TMEM128: variants seen among roughly 807,000 people sequenced by gnomAD.
TMEM128 encodes the protein transmembrane protein 128.
TMEM128 carries 16 observed loss-of-function variants against 19.7 expected under a neutral mutation model. That is an observed-to-expected ratio of 0.81 (90% CI 0.55 to 1.23). TMEM128 has a LOEUF of 1.23. TMEM128 is among the 50% of genes most tolerant of loss of function. The pLI, the probability that TMEM128 is intolerant of heterozygous loss-of-function variation, is 0.00. For synonymous variants in TMEM128, 98 were observed against 75.8 expected (o/e 1.29, Z -1.52); for missense variants, 237 against 200.8 (o/e 1.18, Z -1.09).
At chr4:4,236,531 G>A (rs1187747133) in intron 4 of TMEM128, among the ~76,000 whole-genome samples, 1 of 152,184 alleles carries the variant, frequency 6.6e-6, no homozygotes, top group Non-Finnish European at 1.5e-5. Flanking sequence ...GTCAGGTGAG[G>A]AAGTGTTCTG....
intron 2 of TMEM128, among the ~76,000 whole-genome samples, chr4:4,244,835 C>T (rs1246523533): frequency 6.6e-6 from 1 of 152,198 alleles, no homozygotes; most frequent in Admixed American, 6.5e-5. Context: ...TCATCACACA[C>T]TCAATCAGTC....
chr4:4,239,783 C>T (rs1717872802), intron 3 of TMEM128, among the ~76,000 whole-genome samples: 1 of 152,220 alleles, frequency 6.6e-6, no homozygotes, highest in Non-Finnish European at 1.5e-5. Flanking sequence ...CTGCACACAG[C>T]CAGCTCAATG....
chr4:4,242,214 C>G (rs1252330814), intron 2 of TMEM128, among the ~76,000 whole-genome samples: 1 of 151,900 alleles, frequency 6.6e-6, no homozygotes, highest in Non-Finnish European at 1.5e-5. Flanking sequence ...AGCCATCACT[C>G]AAGTTATATC....
intron 2 of TMEM128, among the ~76,000 whole-genome samples, chr4:4,242,649 G>A (rs992735996): frequency 5.9e-5 from 9 of 151,926 alleles, no homozygotes; most frequent in African/African-American, 2.2e-4. Flanking sequence ...CTCCTGAGCA[G>A]CTGATATTAC....
intron 3 of TMEM128, among the ~76,000 whole-genome samples, chr4:4,238,767 C>T (rs375520013): frequency 5.9e-5 from 9 of 152,234 alleles, no homozygotes; most frequent in South Asian, 2.1e-4. Context: ...GGGGTGGTGG[C>T]GCACGCCTGT....
At chr4:4,247,755 C>CTCGTAATTGG in intron 1 of TMEM128, 1 of 1,540,958 alleles carries the variant, frequency 6.5e-7, no homozygotes, top group Non-Finnish European at 8.8e-7. Context: ...GCAGATATTT[C>CTCGTAATTGG]CAGTAATTCG....
chr4:4,243,609 G>A (rs1718050506), intron 2 of TMEM128, among the ~76,000 whole-genome samples: 1 of 152,024 alleles, frequency 6.6e-6, no homozygotes, highest in Non-Finnish European at 1.5e-5. Context: ...TCCCCTTAAT[G>A]AGTCCTTCCC....
At position 4,235,768 on chromosome 4, in the gene TMEM128, A is replaced by G. The variant is rs73082015; in HGVS notation, c.*498T>C. On this transcript the variant is annotated 3_prime_UTR_variant, in exon 5 of 5. Coordinates refer to ENST00000382753, the MANE Select transcript of TMEM128 (RefSeq NM_001297551.2). The stretch of plus-strand genomic sequence containing the variant: ...AAGCTGGTTAAAGGCACATGACAAC[A>G]TAATTCCTTTATACACATCCAGTCA... The G allele has an allele frequency of 7.2e-5, 11 of 152,664 alleles. No individual in the cohort carries two copies. Among genetic ancestry groups the G allele is most frequent in the African/African-American group, 2.4e-4 (10 of 41,452 alleles). The allele number at this position is 152,664 out of a possible 1,614,324, so 9.5% of individuals were successfully genotyped here. A position where few individuals can be genotyped will look rare whatever the true frequency, so the allele number is the denominator to read the frequency against.
At chr4:4,239,503 G>A (rs186146269) in intron 3 of TMEM128, among the ~76,000 whole-genome samples, 9 of 152,280 alleles carry the variant, frequency 5.9e-5, no homozygotes, top group East Asian at 5.8e-4. Context: ...TCAAAGGTAC[G>A]TACATCCAAC....
intron 1 of TMEM128, among the ~76,000 whole-genome samples, chr4:4,246,595 G>A (rs1270563524): frequency 4.6e-5 from 7 of 152,042 alleles, no homozygotes; most frequent in Middle Eastern, 3.4e-3. Context: ...ATCGTCTTTC[G>A]GAAATAACAA....
intron 2 of TMEM128, among the ~76,000 whole-genome samples, chr4:4,244,847 C>T (rs183835441): frequency 3.7e-4 from 57 of 152,272 alleles, no homozygotes; most frequent in African/African-American, 1.3e-3. Flanking sequence ...CAATCAGTCA[C>T]GCCACCTCCC....
intron 2 of TMEM128, among the ~76,000 whole-genome samples, chr4:4,241,575 C>T (rs981434647): frequency 6.6e-6 from 1 of 152,204 alleles, no homozygotes; most frequent in African/African-American, 2.4e-5. Flanking sequence ...TACAAAGGCA[C>T]AAAGTGAACT....
chr4:4,239,078 A>G (rs972872079), intron 3 of TMEM128, among the ~76,000 whole-genome samples: 5 of 152,114 alleles, frequency 3.3e-5, no homozygotes, highest in African/African-American at 4.8e-5. Flanking sequence ...GAAAGAAAAA[A>G]CTAGAGAGCT....
At chr4:4,244,868 G>A (rs1026654403) in intron 2 of TMEM128, among the ~76,000 whole-genome samples, 3 of 152,178 alleles carry the variant, frequency 2.0e-5, no homozygotes, top group Admixed American at 6.5e-5. Flanking sequence ...ACAAAGGAGT[G>A]AGTGACATGG....
In TMEM128 at chr4:4,241,479, T is replaced by TC. The variant is rs146227618; in HGVS notation, c.240-1001dup. Reference sequence around the variant, plus strand: ...CCCATTCTCCCAACTCAATCCAATATCCCATCATCATCTGCTTCTCTATGG... The same window carrying TC: ...CCCATTCTCCCAACTCAATCCAATATCCCCATCATCATCTGCTTCTCTATGG... On this transcript the variant is annotated intron_variant, in intron 2 of 4. Coordinates refer to ENST00000382753, the MANE Select transcript of TMEM128 (RefSeq NM_001297551.2). 4.6e-3 allele frequency among the ~76,000 whole-genome samples: 702 copies of TC among 152,186 alleles called. 8 individuals are homozygous for TC. The highest frequency in any genetic ancestry group is 0.016 in the African/African-American group (669 of 41,484).
intron 1 of TMEM128, chr4:4,247,898 G>A: frequency 2.8e-6 from 4 of 1,430,648 alleles, no homozygotes; most frequent in Non-Finnish European, 3.6e-6. Context: ...CCAAATAGGT[G>A]TCAAATCAGC....
chr4:4,243,272 C>T (rs1379877394), intron 2 of TMEM128, among the ~76,000 whole-genome samples: 11 of 151,936 alleles, frequency 7.2e-5, no homozygotes, highest in Admixed American at 1.3e-4. Context: ...TTAGTAGAGA[C>T]GGGGTTTCAC....
chr4:4,244,589 G>A lies in TMEM128; in HGVS notation c.239+1613C>T, dbSNP rs191303812. The stretch of plus-strand genomic sequence containing the variant: ...AAATGTCTGTTATACTGATGCAGCC[G>A]TGGGAAGAATATGGCTTTGGTGAGT... On this transcript the variant is annotated intron_variant, in intron 2 of 4. Transcript: ENST00000382753. Among the ~76,000 whole-genome samples the A allele has an allele frequency of 5.4e-4, 83 of 152,300 alleles. 2 individuals carry two copies. Among genetic ancestry groups the A allele is most frequent in the Non-Finnish European group, 9.0e-4 (61 of 68,040 alleles).
At position 4,240,418 on chromosome 4, in the gene TMEM128, C is replaced by T. The variant is rs1248944401; in HGVS notation, c.301G>A (p.Val101Ile). The change falls in exon 3 of 5, where the codon GTC becomes ATC. Residue 101 changes from valine (V) to isoleucine (I), a missense_variant. By Grantham distance (29) the Val-to-Ile change is conservative (BLOSUM62 3). Coordinates refer to ENST00000382753, the MANE Select transcript of TMEM128 (RefSeq NM_001297551.2). Reference protein sequence around the residue: ...VSLSIAFYCIVYLEWYCGIGE... With the variant: ...VSLSIAFYCIIYLEWYCGIGE... The stretch of plus-strand genomic sequence containing the variant: ...ATTCCACAATACCATTCCAGGTAGA[C>T]TATGCAGTAAAATGCAATTGATAAA... The T allele has an allele frequency of 6.2e-7, 1 of 1,614,004 alleles. No individual in the cohort carries two copies. The highest frequency in any genetic ancestry group is 1.3e-5 in the African/African-American group (1 of 75,042).
Sources: gnomAD v4.1 joint callset for allele counts (sites outside exome capture counted in the v4.1 genomes callset) on GRCh38, gnomAD v4.1.1 for gene constraint, MANE v1.5 for transcripts, NCBI Gene and HGNC (gene_info 2026-07-23, HGNC 2026-07-21) for gene names.